ITPRID1: variants seen among roughly 807,000 people sequenced by gnomAD.
ITPRID1 encodes the protein ITPR interacting domain containing 1.
In ITPRID1, 96 loss-of-function variants were observed where a neutral mutation model predicts 95.4. The ratio of observed to expected loss-of-function variants is 1.01; its 90% CI spans 0.85 to 1.19. The LOEUF (loss-of-function observed/expected upper bound fraction) is 1.19, where lower values mean the gene tolerates loss of function less well. Among genes scored for constraint, ITPRID1 ranks in the 50% most tolerant of loss-of-function variants. The pLI, the probability that ITPRID1 is intolerant of heterozygous loss-of-function variation, is 0.00. For synonymous variants in ITPRID1, 510 were observed against 453.6 expected, an observed-to-expected ratio of 1.12 and a Z score of -1.58; for missense variants, 1,339 against 1,252.9, an observed-to-expected ratio of 1.07 and a Z score of -1.04.
chr7:31,519,629 T>TCTCTCC (rs1163119280), intron 1 of ITPRID1, among the ~76,000 whole-genome samples: 3 of 122,094 alleles, frequency 2.5e-5, no homozygotes, highest in African/African-American at 9.4e-5. Flanking sequence ...TCTATATATA[T>TCTCTCC]ATATATATAT....
chr7:31,609,267 T>G (rs917646249), intron 10 of ITPRID1, among the ~76,000 whole-genome samples: 2 of 151,582 alleles, frequency 1.3e-5, no homozygotes, highest in South Asian at 4.1e-4. Context: ...TTCACAAGGA[T>G]TTTTCTGGTA....
Position 31,654,702 on chromosome 7 carries a change from T to TGGGGAATAG in ITPRID1, c.*1874_*1882dup, listed in dbSNP as rs1408974930. ...CCAGAGGCACTGGGTCTCTAAGGAA[T>TGGGGAATAG]GGGGAATAGATGCAGAATGGAATAG... On this transcript the variant is annotated 3_prime_UTR_variant, in exon 15 of 15. Transcript: ENST00000615280. 6.6e-6 allele frequency among the ~76,000 whole-genome samples: 1 copy of TGGGGAATAG among 152,058 alleles called. No individual in the cohort carries two copies. Among genetic ancestry groups the TGGGGAATAG allele is most frequent in the Non-Finnish European group, 1.5e-5 (1 of 68,014 alleles).
At chr7:31,570,875 G>A (rs1784961845) in intron 6 of ITPRID1, among the ~76,000 whole-genome samples, 1 of 151,910 alleles carries the variant, frequency 6.6e-6, no homozygotes, top group Non-Finnish European at 1.5e-5. Flanking sequence ...AAACTGAGGT[G>A]GGGCAATAAG....
rs1790222969 is a variant in ITPRID1 at position 31,643,709 on chromosome 7, C to T, written c.2339C>T (p.Thr780Ile). 2.5e-6 allele frequency: 4 copies of T among 1,613,950 alleles called. No homozygotes were observed. The highest frequency in any genetic ancestry group is 3.4e-6 in the Non-Finnish European group (4 of 1,179,914). The change falls in exon 12 of 15, where the codon ACC (threonine) becomes ATC (isoleucine). Residue 780 changes from threonine (T) to isoleucine (I), a missense_variant. Physicochemically the swap from Thr to Ile is moderately conservative, Grantham distance 89 (BLOSUM62 -1). Coordinates refer to ENST00000615280, the MANE Select transcript of ITPRID1 (RefSeq NM_001257967.3). ...TTGACACATGGGCCCCAGCCCCTCACCAAATCCGTCTCTCTAGACTCAGGC... is the reference window on the plus strand; with the variant it reads ...TTGACACATGGGCCCCAGCCCCTCATCAAATCCGTCTCTCTAGACTCAGGC... ...KTLTHGPQPLTKSVSLDSGFS... is the reference protein window; with the variant it reads ...KTLTHGPQPLIKSVSLDSGFS...
At chr7:31,520,343 A>G (rs1344330474) in intron 1 of ITPRID1, among the ~76,000 whole-genome samples, 2 of 152,160 alleles carry the variant, frequency 1.3e-5, no homozygotes, top group South Asian at 4.2e-4. Flanking sequence ...TTCCATACTT[A>G]TTTTTTGAAA....
At chr7:31,633,993 A>ACCAGC (rs1238724670) in intron 10 of ITPRID1, among the ~76,000 whole-genome samples, 1 of 152,158 alleles carries the variant, frequency 6.6e-6, no homozygotes, top group Admixed American at 6.6e-5. Flanking sequence ...TTATTACCAG[A>ACCAGC]CCAGCCCAGC....
Position 31,652,592 on chromosome 7 carries a change from CA to C in ITPRID1, c.2900del (p.Asn967MetfsTer59), listed in dbSNP as rs1199790032. 4 of 1,612,616 alleles carry C rather than the reference CA, an allele frequency of 2.5e-6. No homozygotes were observed. The African/African-American group carries it at 4.0e-5, about 16-fold the overall frequency. On this transcript the variant is annotated frameshift_variant, in exon 15 of 15. Transcript: ENST00000615280. LOFTEE classifies it low-confidence loss of function (END_TRUNC). ...LHQYNWIEES[N>X]GQTSCSKIHP... ...ATCAATATAACTGGATAGAAGAAAG[CA>C]ATGGGCAGACTTCATGTTCTAAAAT... is the stretch of plus-strand genomic sequence containing the variant.
At chr7:31,585,272 C>A (rs1214115961) in intron 10 of ITPRID1, among the ~76,000 whole-genome samples, 2 of 152,144 alleles carry the variant, frequency 1.3e-5, no homozygotes, top group African/African-American at 4.8e-5. Context: ...TCGTTAAAAA[C>A]CAGTAGTAAG....
intron 10 of ITPRID1, among the ~76,000 whole-genome samples, chr7:31,620,285 G>A (rs2039491340): frequency 1.3e-5 from 2 of 152,190 alleles, no homozygotes; most frequent in Non-Finnish European, 2.9e-5. Flanking sequence ...CTGGAGATCT[G>A]AGAACGGGCA....
chr7:31,651,809 C>A, intron 13 of ITPRID1, 130 bp from the exon 14 acceptor site: 1 of 638,054 alleles, frequency 1.6e-6, no homozygotes, highest in Non-Finnish European at 2.7e-6. Flanking sequence ...ATGTCTCCAG[C>A]TGACACAAAT....
At chr7:31,642,151 C>A (rs10239388) in intron 10 of ITPRID1, 25 bp from the exon 11 acceptor site, 7 of 1,534,168 alleles carry the variant, frequency 4.6e-6, no homozygotes, top group Non-Finnish European at 6.2e-6. Flanking sequence ...CCTTTAATAA[C>A]CTCAAGACCT....
chr7:31,592,499 C>T (rs980148634), intron 10 of ITPRID1, among the ~76,000 whole-genome samples: 9 of 152,166 alleles, frequency 5.9e-5, no homozygotes, highest in Admixed American at 3.3e-4. Flanking sequence ...CTTCCCCAAC[C>T]TTTTTGGCAC....
intron 1 of ITPRID1, among the ~76,000 whole-genome samples, chr7:31,520,712 G>T (rs996992214): frequency 6.6e-6 from 1 of 152,026 alleles, no homozygotes; most frequent in African/African-American, 2.4e-5. Flanking sequence ...CATTACTAGT[G>T]GAGTGTTTTG....
At chr7:31,581,183 T>G (rs1785390109) in intron 9 of ITPRID1, among the ~76,000 whole-genome samples, 1 of 152,200 alleles carries the variant, frequency 6.6e-6, no homozygotes, top group African/African-American at 2.4e-5. Flanking sequence ...AATATCTAGT[T>G]ATCAGAATTT....
intron 10 of ITPRID1, among the ~76,000 whole-genome samples, chr7:31,592,496 A>G (rs2128155162): frequency 6.6e-6 from 1 of 152,320 alleles, no homozygotes; most frequent in East Asian, 1.9e-4. Context: ...AGCCTTCCCC[A>G]ACCTTTTTGG....
In ITPRID1 at chr7:31,569,740, CT is replaced by C. The variant is rs774953970; in HGVS notation, c.257-11del. 9.6e-6 allele frequency: 15 copies of C among 1,565,474 alleles called. No homozygotes were observed. The highest frequency in any genetic ancestry group is 7.6e-5 in the Admixed American group (4 of 52,458). On this transcript the variant is annotated splice_polypyrimidine_tract_variant and intron_variant, in intron 5 of 14. Transcript: ENST00000615280. Reference sequence around the variant, plus strand: ...TAAAACGAAATAAAGTTCCCCTCTACTTTTTTTGTTGTTGCAGTTTCTTTGT... The same window carrying C: ...TAAAACGAAATAAAGTTCCCCTCTACTTTTTTGTTGTTGCAGTTTCTTTGT...
At chr7:31,558,265 A>G (rs1270680635) in intron 5 of ITPRID1, among the ~76,000 whole-genome samples, 2 of 152,146 alleles carry the variant, frequency 1.3e-5, no homozygotes, top group Non-Finnish European at 2.9e-5. Context: ...TCTTTTCTTT[A>G]TAAATTACTC....
At chr7:31,551,823 T>C in intron 2 of ITPRID1, 5 of 368,894 alleles carry the variant, frequency 1.4e-5, no homozygotes, top group South Asian at 1.0e-4. Context: ...AGTTTAGGGA[T>C]CCTAGAAATG....
intron 10 of ITPRID1, among the ~76,000 whole-genome samples, chr7:31,596,098 A>G: frequency 6.6e-6 from 1 of 151,476 alleles, no homozygotes; most frequent in South Asian, 2.1e-4. Context: ...ATCAAATTTT[A>G]TATTGATACT....
Sources: gnomAD v4.1 joint callset for allele counts (sites outside exome capture counted in the v4.1 genomes callset) on GRCh38, gnomAD v4.1.1 for gene constraint, MANE v1.5 for transcripts, NCBI Gene and HGNC (gene_info 2026-07-23, HGNC 2026-07-21) for gene names.